Variants in RNF144A observed in about 807,000 individuals in gnomAD.
RNF144A encodes the protein ring finger protein 144A.
A neutral mutation model predicts 38.7 loss-of-function variants in RNF144A; 11 were observed. That is an observed-to-expected ratio of 0.28 (90% CI 0.18 to 0.47). The LOEUF (loss-of-function observed/expected upper bound fraction) is 0.47. Among genes scored for constraint, RNF144A ranks in the 20% least tolerant of loss-of-function variants. RNF144A has a pLI of 0.99. For missense variants in RNF144A, 316 were observed against 377.2 expected (o/e 0.84, Z 1.34); for synonymous variants, 149 against 143.9 (o/e 1.04, Z -0.25).
At chr2:7,069,315 CTT>C (rs1674364152), downstream of RNF144A, among the ~76,000 whole-genome samples, 6 of 152,344 alleles carry the variant, frequency 3.9e-5, no homozygotes, top group South Asian at 1.2e-3. Context: ...AGATTTCTCT[CTT>C]AATTTTTAGC....
At chr2:6,939,793 G>A (rs1174020352) in intron 1 of RNF144A, among the ~76,000 whole-genome samples, 4 of 150,294 alleles carry the variant, frequency 2.7e-5, no homozygotes, top group East Asian at 1.9e-4. Context: ...AGCACTATTC[G>A]TTGAAAAAAA....
chr2:7,050,785 C>CTT (rs1241819675), intron 6 of RNF144A, among the ~76,000 whole-genome samples: 1 of 152,224 alleles, frequency 6.6e-6, no homozygotes, highest in Non-Finnish European at 1.5e-5. Context: ...ATGGGGAAGA[C>CTT]TTAGGACTCT....
At chr2:7,045,524 G>A (rs750149507), downstream of RNF144A, among the ~76,000 whole-genome samples, 19 of 152,212 alleles carry the variant, frequency 1.2e-4, no homozygotes, top group South Asian at 2.1e-4. Flanking sequence ...TTCCCACGGC[G>A]TTCTCCCTGT....
rs3755506 is a variant in RNF144A, at chr2:7,007,712, C to T, written c.136-6742C>T. ...ATGTTGGTGCTGTCTGTGTGCACAC[C>T]CTGCTACCACACTGCCTCTGTTCCG... On this transcript the variant is annotated intron_variant, in intron 3 of 8. Transcript: ENST00000320892. Among the ~76,000 whole-genome samples the T allele has an allele frequency of 1.6e-4, 24 of 152,286 alleles. No homozygotes were observed. In the East Asian group the frequency reaches 4.6e-3, roughly 29 times the overall value.
chr2:7,070,980 G>A (rs1463403613), downstream of RNF144A, among the ~76,000 whole-genome samples: 1 of 142,572 alleles, frequency 7.0e-6, no homozygotes, highest in East Asian at 2.1e-4. Flanking sequence ...TGTCACCCAA[G>A]TTGGAGTGCA....
At chr2:6,985,587 A>T (rs1427192972) in intron 2 of RNF144A, among the ~76,000 whole-genome samples, 2 of 152,198 alleles carry the variant, frequency 1.3e-5, no homozygotes, top group Non-Finnish European at 2.9e-5. Flanking sequence ...CAGATGGTTT[A>T]ATAGACGGAA....
intron 2 of RNF144A, among the ~76,000 whole-genome samples, chr2:6,945,716 C>CT (rs200258772): frequency 0.064 from 9,175 of 144,020 alleles, 542 homozygotes; most frequent in East Asian, 0.29. Flanking sequence ...TTTTTGTTGA[C>CT]TTTTTTTTTT....
intron 6 of RNF144A, among the ~76,000 whole-genome samples, chr2:7,055,637 T>C (rs944099139): frequency 3.3e-5 from 5 of 152,232 alleles, no homozygotes; most frequent in African/African-American, 9.7e-5. Flanking sequence ...TGTAGGCTAC[T>C]GCACAGGTGA....
rs577731774 is a variant in RNF144A, at chr2:6,941,904, G to C, written c.-12+757G>C. ...GGACTCAGCACAGAGCTGTGAGCTG[G>C]GACTGGGCAGGGCATAGTGGGACCT... On this transcript the variant is annotated intron_variant, in intron 2 of 8. Transcript: ENST00000320892. This position sits in a 1 kb window ranked among gnomAD's most constrained non-coding sequence, Gnocchi z 6.5. Among the ~76,000 whole-genome samples, 12 of 152,374 alleles carry C rather than the reference G, an allele frequency of 7.9e-5. No individual in the cohort carries two copies. Among genetic ancestry groups the C allele is most frequent in the African/African-American group, 2.9e-4 (12 of 41,592 alleles).
intron 3 of RNF144A, among the ~76,000 whole-genome samples, chr2:7,011,948 T>C (rs1670845984): frequency 6.6e-6 from 1 of 152,224 alleles, no homozygotes; most frequent in Non-Finnish European, 1.5e-5. Context: ...TGATGTTCAC[T>C]CTTGGGTAGC....
chr2:6,965,685 C>T (rs1015729953), intron 2 of RNF144A, among the ~76,000 whole-genome samples: 2 of 151,856 alleles, frequency 1.3e-5, no homozygotes, highest in African/African-American at 2.4e-5. Context: ...ACGCTGTTTC[C>T]CCATCCTTTC....
At chr2:6,940,474 C>T (rs768123898) in intron 1 of RNF144A, among the ~76,000 whole-genome samples, 10 of 151,956 alleles carry the variant, frequency 6.6e-5, no homozygotes, top group Non-Finnish European at 1.0e-4. Context: ...TTCCATGGAT[C>T]GTAATGTTAT....
chr2:7,010,803 A>T (rs1572396235), intron 3 of RNF144A, among the ~76,000 whole-genome samples: 1 of 151,018 alleles, frequency 6.6e-6, no homozygotes, highest in Non-Finnish European at 1.5e-5. Context: ...CCCAGGTGGG[A>T]CCCCTCCTCT....
chr2:7,040,979 G>A lies in RNF144A; in HGVS notation c.*1219G>A. 1.0e-6 allele frequency: 1 copy of A among 985,216 alleles called. No individual in the cohort carries two copies. Among genetic ancestry groups the A allele is most frequent in the South Asian group, 4.7e-5 (1 of 21,278 alleles). The allele number at this position is 985,216 out of a possible 1,614,324, so 61.0% of individuals were successfully genotyped here. A position where few individuals can be genotyped will look rare whatever the true frequency, so the allele number is the denominator to read the frequency against. On this transcript the variant is annotated 3_prime_UTR_variant, in exon 9 of 9. Transcript: ENST00000320892. ...CCATTTCCATGGCAGCAGGATGCAG[G>A]GATTAATAAGGACACATACACATTA...
chr2:6,921,449 G>A (rs1417963378), intron 1 of RNF144A, among the ~76,000 whole-genome samples: 2 of 152,208 alleles, frequency 1.3e-5, no homozygotes, highest in African/African-American at 4.8e-5. Context: ...TGCTTGCATC[G>A]TGGATGCAGT....
chr2:6,989,281 A>G (rs1669182617), intron 2 of RNF144A, among the ~76,000 whole-genome samples: 3 of 149,000 alleles, frequency 2.0e-5, no homozygotes, highest in Admixed American at 2.0e-4. Context: ...ACTCTATTCC[A>G]TGACCACCCT....
Position 7,039,757 on chromosome 2 carries a change from C to A in RNF144A, c.876C>A (p.Thr292=). The change falls in exon 9 of 9, where the codon ACC becomes ACA. Residue 292 remains threonine (T), a synonymous_variant. Coordinates refer to ENST00000320892, the MANE Select transcript of RNF144A (RefSeq NM_014746.6). The stretch of plus-strand genomic sequence containing the variant: ...AAGGTGACGACGACCCGTTACCCAC[C>A]TAGAGGAAGCGCGATGCTGGAACAC... ...CSKGDDDPLP[T] is the part of the protein sequence containing the mutation. 1 of 1,613,126 alleles carries A rather than the reference C, an allele frequency of 6.2e-7. No homozygotes were observed. Among genetic ancestry groups the A allele is most frequent in the Non-Finnish European group, 8.5e-7 (1 of 1,179,866 alleles).
chr2:6,956,829 A>C (rs1440533070), intron 2 of RNF144A, among the ~76,000 whole-genome samples: 1 of 152,234 alleles, frequency 6.6e-6, no homozygotes, highest in Non-Finnish European at 1.5e-5. Flanking sequence ...AAAAATATGC[A>C]GGGCACTTGC....
chr2:7,056,588 T>TA (rs1416542310), intron 6 of RNF144A, among the ~76,000 whole-genome samples: 1 of 152,204 alleles, frequency 6.6e-6, no homozygotes, highest in African/African-American at 2.4e-5. Context: ...TCATTCCAGT[T>TA]ATGGTTCCTG....
Sources: gnomAD v4.1 joint callset for allele counts (sites outside exome capture counted in the v4.1 genomes callset) on GRCh38, gnomAD v4.1.1 for gene constraint, Gnocchi (gnomAD v3.1) non-coding constraint, MANE v1.5 for transcripts, NCBI Gene and HGNC (gene_info 2026-07-23, HGNC 2026-07-21) for gene names.